PRKCQ: variants seen among roughly 807,000 people sequenced by gnomAD.
PRKCQ encodes the protein protein kinase C theta.
A neutral mutation model predicts 91.2 loss-of-function variants in PRKCQ; 41 were observed. The observed-to-expected ratio is 0.45, with a 90% CI of 0.35 to 0.58. The LOEUF is 0.58. Ranked by LOEUF, PRKCQ falls within the 20% of genes least tolerant of loss-of-function variation. PRKCQ has a pLI of 0.00. For synonymous variants in PRKCQ, 307 were observed against 316.9 expected, an observed-to-expected ratio of 0.97 and a Z score of 0.33; for missense variants, 673 against 896.5, an observed-to-expected ratio of 0.75 and a Z score of 3.18.
intron 1 of PRKCQ, among the ~76,000 whole-genome samples, chr10:6,536,375 G>T (rs1015773402): frequency 6.6e-6 from 1 of 152,120 alleles, no homozygotes; most frequent in African/African-American, 2.4e-5. Context: ...GCCTGAGCCC[G>T]GGCTCTGACA....
intron 4 of PRKCQ, among the ~76,000 whole-genome samples, chr10:6,506,954 C>A (rs1000087480): frequency 6.6e-6 from 1 of 152,178 alleles, no homozygotes; most frequent in Non-Finnish European, 1.5e-5. Flanking sequence ...GTTTTCTCAC[C>A]TTTTCTTGTT....
At chr10:6,437,410 C>T (rs567319543) in intron 16 of PRKCQ, among the ~76,000 whole-genome samples, 2 of 152,308 alleles carry the variant, frequency 1.3e-5, no homozygotes, top group African/African-American at 4.8e-5. Flanking sequence ...CAGGAACTGA[C>T]ACTGCTGGAC....
At chr10:6,437,836 G>T (rs946048619) in intron 16 of PRKCQ, among the ~76,000 whole-genome samples, 2 of 151,950 alleles carry the variant, frequency 1.3e-5, no homozygotes, top group Non-Finnish European at 2.9e-5. Flanking sequence ...TGTATTTTTA[G>T]TAGAGATGGG....
chr10:6,447,379 C>A (rs1834369109), intron 15 of PRKCQ, among the ~76,000 whole-genome samples: 1 of 148,736 alleles, frequency 6.7e-6, no homozygotes, highest in South Asian at 2.1e-4. Flanking sequence ...TGCACTCCAG[C>A]CTGGGCAACA....
intron 1 of PRKCQ, among the ~76,000 whole-genome samples, chr10:6,564,807 A>G (rs1840778015): frequency 1.3e-5 from 2 of 152,210 alleles, no homozygotes; most frequent in Admixed American, 1.3e-4. Context: ...GGGTCAAATA[A>G]ACAATGTCAA....
At position 6,464,975 on chromosome 10, in the gene PRKCQ, G is replaced by C. The variant is rs12259224; in HGVS notation, c.1354-571C>G. On this transcript the variant is annotated intron_variant, in intron 12 of 17. Transcript: ENST00000263125. ...GTGTTACAACCCAGCAGATGAGCGG[G>C]GGGCACAAGGGAGAGTCCAGTTGAC... 7.9e-3 allele frequency among the ~76,000 whole-genome samples: 1,198 copies of C among 152,234 alleles called. 13 individuals are homozygous for C. The highest frequency in any genetic ancestry group is 0.027 in the African/African-American group (1,134 of 41,524).
chr10:6,405,716 T>C, the PRKCQ span, among the ~76,000 whole-genome samples: 1 of 152,194 alleles, frequency 6.6e-6, no homozygotes, highest in African/African-American at 2.4e-5. Flanking sequence ...TCTTTGCAAA[T>C]GGACTGTCGC....
At chr10:6,494,406 C>T (rs1837480797) in intron 7 of PRKCQ, among the ~76,000 whole-genome samples, 1 of 152,214 alleles carries the variant, frequency 6.6e-6, no homozygotes, top group Non-Finnish European at 1.5e-5. Context: ...TCCATCATCT[C>T]CTTCATGGTT....
At chr10:6,434,379 A>G (rs757665450) in intron 16 of PRKCQ, among the ~76,000 whole-genome samples, 13 of 152,220 alleles carry the variant, frequency 8.5e-5, no homozygotes, top group Non-Finnish European at 1.9e-4. Context: ...CAAAATTTAA[A>G]AATATATTTT....
intron 8 of PRKCQ, among the ~76,000 whole-genome samples, chr10:6,489,139 T>A (rs562068904): frequency 6.6e-6 from 1 of 152,120 alleles, no homozygotes; most frequent in Admixed American, 6.5e-5. Context: ...AAATTCCACA[T>A]TGTCGGCAAA....
the PRKCQ span, among the ~76,000 whole-genome samples, chr10:6,398,342 AGAT>A: frequency 4.0e-4 from 61 of 152,368 alleles, no homozygotes; most frequent in East Asian, 0.01. Flanking sequence ...GTTCTTCAAA[AGAT>A]GATATTTATT....
the PRKCQ span, among the ~76,000 whole-genome samples, chr10:6,395,045 G>A: frequency 7.0e-6 from 1 of 143,166 alleles, no homozygotes; most frequent in South Asian, 2.2e-4. Context: ...AGCTGTGCAG[G>A]AAGCTGGAGT....
At chr10:6,539,989 G>A (rs749791263) in intron 1 of PRKCQ, among the ~76,000 whole-genome samples, 3 of 152,162 alleles carry the variant, frequency 2.0e-5, no homozygotes, top group South Asian at 2.1e-4. Context: ...TTCATGTAAT[G>A]CCTCTGCCAC....
chr10:6,431,991 G>T (rs893677339), intron 16 of PRKCQ, among the ~76,000 whole-genome samples: 8 of 152,206 alleles, frequency 5.3e-5, no homozygotes, highest in Non-Finnish European at 7.3e-5. Flanking sequence ...CCTGTCAAGG[G>T]CATTAAGAAA....
intron 15 of PRKCQ, among the ~76,000 whole-genome samples, chr10:6,451,441 TA>T (rs1397609488): frequency 6.6e-6 from 1 of 152,122 alleles, no homozygotes; most frequent in East Asian, 1.9e-4. Context: ...ATCAATAGCT[TA>T]CCAACCAAAA....
intron 8 of PRKCQ, chr10:6,489,548 G>C (rs1440202292): frequency 2.1e-6 from 1 of 484,204 alleles, no homozygotes; most frequent in East Asian, 6.1e-5. Context: ...AGGATGAAAG[G>C]GAGGCAGAGA....
intron 1 of PRKCQ, among the ~76,000 whole-genome samples, chr10:6,528,582 C>T (rs1839280173): frequency 6.6e-6 from 1 of 152,194 alleles, no homozygotes; most frequent in African/African-American, 2.4e-5. Flanking sequence ...TCCTGATCTG[C>T]CTCTCCGTTT....
intron 16 of PRKCQ, among the ~76,000 whole-genome samples, chr10:6,440,854 G>C (rs1261896144): frequency 1.3e-5 from 2 of 152,104 alleles, no homozygotes; most frequent in Non-Finnish European, 2.9e-5. Flanking sequence ...GGTGAGTGTG[G>C]TCGTGCACCT....
intron 16 of PRKCQ, among the ~76,000 whole-genome samples, chr10:6,435,796 C>T (rs549050804): frequency 3.3e-5 from 5 of 152,230 alleles, no homozygotes; most frequent in African/African-American, 4.8e-5. Flanking sequence ...GTATGCAGGG[C>T]GTGGGTTGGG....
Sources: allele counts gnomAD v4.1 joint callset (sites outside exome capture counted in the v4.1 genomes callset), GRCh38; gene constraint gnomAD v4.1.1; transcripts MANE v1.5; gene names NCBI Gene and HGNC (gene_info 2026-07-23, HGNC 2026-07-21).